Variants in FAF1 observed in about 807,000 individuals in gnomAD.
FAF1 encodes the protein Fas associated factor 1.
In FAF1, 25 loss-of-function variants were observed where a neutral mutation model predicts 92.5. The ratio of observed to expected loss-of-function variants is 0.27; its 90% CI spans 0.20 to 0.38. The LOEUF is 0.38. Among genes scored for constraint, FAF1 ranks in the 10% least tolerant of loss-of-function variants. The pLI is 1.00. For missense variants in FAF1, 636 were observed against 793.3 expected (o/e 0.80, Z 2.38); for synonymous variants, 234 against 273.2 (o/e 0.86, Z 1.42).
chr1:50,959,243 A>C (rs1393384004), intron 1 of FAF1, among the ~76,000 whole-genome samples: 1 of 152,206 alleles, frequency 6.6e-6, no homozygotes, highest in Non-Finnish European at 1.5e-5. Flanking sequence ...GATTCCAATT[A>C]GGCAAAGTCT....
chr1:50,925,897 A>G (rs12085666), intron 1 of FAF1, among the ~76,000 whole-genome samples: 18,601 of 152,246 alleles, frequency 0.12, 1,427 homozygotes, highest in African/African-American at 0.22. Context: ...TATACACAAT[A>G]GAATACTATT....
intron 7 of FAF1, among the ~76,000 whole-genome samples, chr1:50,686,506 C>T (rs1183738213): frequency 7.9e-5 from 12 of 150,948 alleles, no homozygotes; most frequent in Middle Eastern, 3.4e-3. Context: ...TGCACCATTG[C>T]GCTCCAGGCT....
intron 1 of FAF1, among the ~76,000 whole-genome samples, chr1:50,882,470 C>T (rs1644619873): frequency 6.6e-6 from 1 of 151,850 alleles, no homozygotes; most frequent in African/African-American, 2.4e-5. Context: ...GGCATGGTGA[C>T]ACATGCCTGT....
At chr1:50,775,624 C>A (rs976030159) in intron 4 of FAF1, among the ~76,000 whole-genome samples, 1 of 151,724 alleles carries the variant, frequency 6.6e-6, no homozygotes, top group Non-Finnish European at 1.5e-5. Flanking sequence ...TGAGGAGATG[C>A]GTGTTTTAGA....
At chr1:50,466,260 C>A (rs1295561196) in intron 18 of FAF1, among the ~76,000 whole-genome samples, 1 of 152,034 alleles carries the variant, frequency 6.6e-6, no homozygotes, top group Non-Finnish European at 1.5e-5. Flanking sequence ...AAAGAGGAGT[C>A]AAGGATAACA....
chr1:50,671,732 ATTT>A (rs377442041), intron 7 of FAF1, among the ~76,000 whole-genome samples: 1 of 143,168 alleles, frequency 7.0e-6, no homozygotes, highest in Non-Finnish European at 1.5e-5. Context: ...GAACATTTTA[ATTT>A]TTTTTTTTTT....
In FAF1 at chr1:50,584,657, C is replaced by G. The variant is rs1345237046; in HGVS notation, c.967+28G>C. On this transcript the variant is annotated intron_variant, in intron 10 of 18. Transcript: ENST00000396153. ...TGTACTAGAAGAAAGAATTCTATTG[C>G]TGGACCCAAAGAGCTATTAATACTC... 3 of 1,603,284 alleles carry G rather than the reference C, an allele frequency of 1.9e-6. No individual in the cohort carries two copies. The South Asian group carries it at 3.4e-5, about 18-fold the overall frequency.
At chr1:50,849,980 T>C (rs2124656254) in intron 2 of FAF1, among the ~76,000 whole-genome samples, 1 of 152,206 alleles carries the variant, frequency 6.6e-6, no homozygotes, top group South Asian at 2.1e-4. Context: ...AAATGCAGAA[T>C]TGTGTGTGTG....
intron 6 of FAF1, among the ~76,000 whole-genome samples, chr1:50,721,691 T>G (rs997658521): frequency 1.3e-5 from 2 of 152,092 alleles, no homozygotes; most frequent in Admixed American, 6.6e-5. Context: ...TGGTACAATC[T>G]CAGCTCATAA....
chr1:50,649,017 C>T (rs904241915), intron 8 of FAF1, among the ~76,000 whole-genome samples: 13 of 152,176 alleles, frequency 8.5e-5, no homozygotes, highest in Admixed American at 1.3e-4. Context: ...CTCCTGACCT[C>T]GTGATCCGTC....
intron 1 of FAF1, among the ~76,000 whole-genome samples, chr1:50,944,846 T>G (rs1215914553): frequency 6.6e-6 from 1 of 152,176 alleles, no homozygotes; most frequent in Non-Finnish European, 1.5e-5. Flanking sequence ...TGCCTAAAAT[T>G]GGTCAGGGTG....
At chr1:50,857,304 A>G (rs1644397679) in intron 2 of FAF1, among the ~76,000 whole-genome samples, 1 of 147,516 alleles carries the variant, frequency 6.8e-6, no homozygotes, top group East Asian at 1.9e-4. Flanking sequence ...CAAAATTATA[A>G]TTTAAACTTT....
chr1:50,737,901 T>A (rs1218337108), intron 6 of FAF1, among the ~76,000 whole-genome samples: 2 of 152,120 alleles, frequency 1.3e-5, no homozygotes, highest in African/African-American at 4.8e-5. Flanking sequence ...AGAGAAAAAT[T>A]TGTATCAACA....
chr1:50,556,064 G>A (rs890084766), intron 13 of FAF1, among the ~76,000 whole-genome samples: 1 of 151,252 alleles, frequency 6.6e-6, no homozygotes, highest in Non-Finnish European at 1.5e-5. Flanking sequence ...ATGAAACCCC[G>A]TCTCCACTAA....
At chr1:50,681,980 C>T (rs750170636) in intron 7 of FAF1, among the ~76,000 whole-genome samples, 12 of 151,880 alleles carry the variant, frequency 7.9e-5, no homozygotes, top group African/African-American at 1.5e-4. Context: ...ACCACAGGCA[C>T]GTACCACCAT....
At chr1:50,610,208 C>A (rs1252873843) in intron 8 of FAF1, among the ~76,000 whole-genome samples, 2 of 152,114 alleles carry the variant, frequency 1.3e-5, no homozygotes, top group Non-Finnish European at 2.9e-5. Context: ...ATATGTATTA[C>A]CTGTTTCATA....
Position 50,960,044 on chromosome 1 carries a change from C to T in FAF1, c.-233G>A, listed in dbSNP as rs1271348095. 9 of 395,388 alleles carry T rather than the reference C, an allele frequency of 2.3e-5. No homozygotes were observed. Among genetic ancestry groups the T allele is most frequent in the Non-Finnish European group, 4.0e-5 (9 of 224,128 alleles). 24.5% of individuals were successfully genotyped at this position (395,388 alleles called of 1,614,324 possible). A position where few individuals can be genotyped will look rare whatever the true frequency, so the allele number is the denominator to read the frequency against. On this transcript the variant is annotated 5_prime_UTR_variant, in exon 1 of 19. Coordinates refer to ENST00000396153, the MANE Select transcript of FAF1 (RefSeq NM_007051.3). ...GGCCGCCCGCCTGCAACCTGCGGAG[C>T]CCGCGTCGCAGCAGCCCGGACAGGA...
chr1:50,588,871 A>G (rs972994214), intron 9 of FAF1, among the ~76,000 whole-genome samples: 1 of 152,212 alleles, frequency 6.6e-6, no homozygotes, highest in African/African-American at 2.4e-5. Flanking sequence ...GCAGATCCAG[A>G]TGTAGCCTCA....
chr1:50,798,880 T>C (rs936883105), intron 3 of FAF1, among the ~76,000 whole-genome samples: 1 of 152,226 alleles, frequency 6.6e-6, no homozygotes, highest in Non-Finnish European at 1.5e-5. Flanking sequence ...AAAATCTTTT[T>C]CTGTTCGTGT....
Sources: gnomAD v4.1 joint callset for allele counts (sites outside exome capture counted in the v4.1 genomes callset) on GRCh38, gnomAD v4.1.1 for gene constraint, MANE v1.5 for transcripts, NCBI Gene and HGNC (gene_info 2026-07-23, HGNC 2026-07-21) for gene names.